KIF13B: variants seen among roughly 807,000 people sequenced by gnomAD.
The protein encoded by KIF13B is kinesin family member 13B.
Under a neutral mutation model 222.0 loss-of-function variants are expected in KIF13B, and 127 were observed. The ratio of observed to expected loss-of-function variants is 0.57; its 90% confidence interval spans 0.50 to 0.66. The LOEUF is 0.66. KIF13B is among the 30% of genes least tolerant of loss of function. The pLI is 0.00. For missense variants in KIF13B, 2,173 were observed against 2,379.0 expected (o/e 0.91, Z 1.80); for synonymous variants, 976 against 919.0 (o/e 1.06, Z -1.12).
At chr8:29,072,859 T>C (rs1235514400) in intron 38 of KIF13B, among the ~76,000 whole-genome samples, 1 of 152,034 alleles carries the variant, frequency 6.6e-6, no homozygotes, top group Non-Finnish European at 1.5e-5. Flanking sequence ...TTTCCTCCCA[T>C]GGAGACAAAG....
chr8:29,255,728 C>A (rs746280624), intron 1 of KIF13B, among the ~76,000 whole-genome samples: 1 of 152,130 alleles, frequency 6.6e-6, no homozygotes, highest in Non-Finnish European at 1.5e-5. Flanking sequence ...CCAATTAATT[C>A]GTTTCAGTGA....
intron 21 of KIF13B, among the ~76,000 whole-genome samples, chr8:29,137,089 C>T (rs938661139): frequency 2.0e-5 from 3 of 152,102 alleles, no homozygotes; most frequent in Admixed American, 1.3e-4. Context: ...CGTGAGCCGC[C>T]GCGCCCGGCC....
intron 2 of KIF13B, among the ~76,000 whole-genome samples, chr8:29,229,088 T>TTA (rs1554622394): frequency 9.5e-5 from 9 of 94,692 alleles, no homozygotes; most frequent in Non-Finnish European, 1.6e-4. Context: ...ATGTCAGCTT[T>TTA]AAAAAAAAAA....
At chr8:29,212,662 T>C (rs149823305) in intron 2 of KIF13B, among the ~76,000 whole-genome samples, 1 of 152,116 alleles carries the variant, frequency 6.6e-6, no homozygotes, top group African/African-American at 2.4e-5. Flanking sequence ...CTTCATAGTC[T>C]TTGTGTAGAC....
intron 38 of KIF13B, among the ~76,000 whole-genome samples, chr8:29,073,168 G>T (rs1008228776): frequency 6.7e-6 from 1 of 149,130 alleles, no homozygotes; most frequent in Admixed American, 6.7e-5. Flanking sequence ...GGGGGATGAG[G>T]AGGGGACAAA....
At chr8:29,109,853 G>A (rs1423559669) in intron 33 of KIF13B, 65 bp downstream of exon 33, 1 of 1,515,814 alleles carries the variant, frequency 6.6e-7, no homozygotes, top group Non-Finnish European at 9.0e-7. Context: ...GAATTACAGA[G>A]TCAAACACAG....
intron 2 of KIF13B, among the ~76,000 whole-genome samples, chr8:29,225,334 G>GGAGAAATAGGCATAGAGAGATT (rs1814973334): frequency 6.6e-6 from 1 of 152,178 alleles, no homozygotes; most frequent in African/African-American, 2.4e-5. Context: ...TTTTACAGAT[G>GGAGAAATAGGCATAGAGAGATT]GAGAAATAGG....
rs79674464 is a variant in KIF13B at position 29,191,676 on chromosome 8, G to C, written c.163-619C>G. On this transcript the variant is annotated intron_variant, in intron 3 of 39. Coordinates refer to ENST00000524189, the MANE Select transcript of KIF13B (RefSeq NM_015254.4). ...AAATGCTACTTGGTGGGATCTTACA[G>C]ATGATCTGTTTTGATCTTTCACCTT... Among the ~76,000 whole-genome samples the C allele has an allele frequency of 3.2e-3, 484 of 152,314 alleles. 3 individuals are homozygous for C. Among genetic ancestry groups the C allele is most frequent in the African/African-American group, 0.011 (459 of 41,578 alleles).
intron 16 of KIF13B, among the ~76,000 whole-genome samples, chr8:29,147,843 C>G (rs966078372): frequency 1.3e-5 from 2 of 152,208 alleles, no homozygotes; most frequent in Non-Finnish European, 2.9e-5. Flanking sequence ...TACACATAAC[C>G]TAAGACATGG....
chr8:29,261,782 G>A (rs1007732954), intron 1 of KIF13B, among the ~76,000 whole-genome samples: 1 of 147,038 alleles, frequency 6.8e-6, no homozygotes, highest in African/African-American at 2.6e-5. Flanking sequence ...AGCAGGAACA[G>A]GACAAAACAA....
chr8:29,187,516 G>A lies in KIF13B; in HGVS notation c.316+999C>T, dbSNP rs76742682. 8.7e-4 allele frequency among the ~76,000 whole-genome samples: 133 copies of A among 152,262 alleles called. 1 individual carries two copies. In the East Asian group the frequency reaches 0.021, roughly 25 times the overall value. ...ACTGCACTCCAGCCTGGACAACAGAGCAAGACTCCGTCTCAAAATAAAAGA... is the reference window on the plus strand; with the variant it reads ...ACTGCACTCCAGCCTGGACAACAGAACAAGACTCCGTCTCAAAATAAAAGA... On this transcript the variant is annotated intron_variant, in intron 5 of 39. Coordinates refer to ENST00000524189, the MANE Select transcript of KIF13B (RefSeq NM_015254.4).
At chr8:29,165,542 T>C (rs1811954340) in intron 12 of KIF13B, 120 bp downstream of exon 12, 1 of 633,250 alleles carries the variant, frequency 1.6e-6, no homozygotes, top group South Asian at 2.1e-5. Context: ...AGATTCCTAA[T>C]GATAGTGTGA....
At chr8:29,090,894 T>C (rs985544914) in intron 37 of KIF13B, among the ~76,000 whole-genome samples, 5 of 152,244 alleles carry the variant, frequency 3.3e-5, no homozygotes, top group African/African-American at 4.8e-5. Context: ...TGGCTAATTT[T>C]TGTAGTAAAG....
intron 13 of KIF13B, among the ~76,000 whole-genome samples, chr8:29,157,422 G>A (rs1811584211): frequency 6.7e-6 from 1 of 149,918 alleles, no homozygotes; most frequent in Non-Finnish European, 1.5e-5. Flanking sequence ...AAAAATTGTG[G>A]CCAGGTGCGG....
chr8:29,174,091 C>T (rs57344562), intron 10 of KIF13B, among the ~76,000 whole-genome samples: 7,189 of 152,184 alleles, frequency 0.047, 360 homozygotes, highest in African/African-American at 0.12. Flanking sequence ...GCATCCATCA[C>T]CTTACATGGT....
Position 29,070,533 on chromosome 8 carries a change from G to A in KIF13B, c.5452C>T (p.Pro1818Ser). The change falls in exon 40 of 40, where the codon CCT becomes TCT. Residue 1818 changes from proline to serine, a missense_variant. Transcript: ENST00000524189. This position sits in a 1 kb window ranked among gnomAD's most constrained non-coding sequence, Gnocchi z 4.1. The stretch of plus-strand genomic sequence containing the variant: ...CTGGCCCAGGATTTCCGGTTCTCAG[G>A]GTTCTTGTGGCTCCTGTCGGCCTTG... Reference protein sequence around the residue: ...LAKADRSHKNPENRKSWAS With the variant: ...LAKADRSHKNSENRKSWAS 1 of 1,610,718 alleles carries A rather than the reference G, an allele frequency of 6.2e-7. No homozygotes were observed. The highest frequency in any genetic ancestry group is 8.5e-7 in the Non-Finnish European group (1 of 1,178,904).
chr8:29,240,012 GA>G (rs1355414142), intron 2 of KIF13B, among the ~76,000 whole-genome samples: 5 of 52,864 alleles, frequency 9.5e-5, no homozygotes, highest in Admixed American at 1.9e-4. Flanking sequence ...GAATCTAAAA[GA>G]AAAAAAAAAG....
chr8:29,113,382 T>C, intron 32 of KIF13B, 81 bp downstream of exon 32: 2 of 743,024 alleles, frequency 2.7e-6, no homozygotes, highest in Non-Finnish European at 4.5e-6. Flanking sequence ...TTCATATGTA[T>C]GTCATGGGTA....
At chr8:29,150,632 T>C (rs1811255769) in intron 14 of KIF13B, among the ~76,000 whole-genome samples, 4 of 152,190 alleles carry the variant, frequency 2.6e-5, no homozygotes, top group African/African-American at 9.7e-5. Flanking sequence ...TATCACATTT[T>C]TTACAAACGC....
Sources: allele counts gnomAD v4.1 joint callset (sites outside exome capture counted in the v4.1 genomes callset), GRCh38; gene constraint gnomAD v4.1.1; non-coding constraint Gnocchi (gnomAD v3.1); transcripts MANE v1.5; gene names NCBI Gene and HGNC (gene_info 2026-07-23, HGNC 2026-07-21).